The following STK32B variants were observed in gnomAD, a reference collection of about 807,000 sequenced individuals.
STK32B encodes serine/threonine kinase 32B.
STK32B carries 43 observed loss-of-function variants against 52.6 expected under a neutral mutation model. The observed-to-expected ratio is 0.82, with a 90% confidence interval of 0.64 to 1.05. STK32B has a LOEUF of 1.05. Ranked by LOEUF, STK32B falls within the 50% of genes least tolerant of loss-of-function variation. STK32B has a pLI of 0.00. For missense variants in STK32B, 621 were observed against 534.6 expected, an observed-to-expected ratio of 1.16 and a Z score of -1.59; for synonymous variants, 238 against 204.3, an observed-to-expected ratio of 1.17 and a Z score of -1.41.
At chr4:5,023,039 G>C in the STK32B span, among the ~76,000 whole-genome samples, 1 of 152,076 alleles carries the variant, frequency 6.6e-6, no homozygotes, top group South Asian at 2.1e-4. Context: ...GTGTTTGTGT[G>C]TGTCTCTGTG....
At chr4:5,351,795 A>G (rs1205069744) in intron 4 of STK32B, among the ~76,000 whole-genome samples, 1 of 152,116 alleles carries the variant, frequency 6.6e-6, no homozygotes, top group Non-Finnish European at 1.5e-5. Context: ...ACACAGAAAT[A>G]CGAAAGATCA....
In STK32B at chr4:5,058,213, G is replaced by A. The variant is rs111505643; in HGVS notation, c.52+6298G>A. ...GTGCGGGACATTATCCTGTTTCAAC[G>A]TGGGAACATTATCACTGTTCACCAA... On this transcript the variant is annotated intron_variant, in intron 1 of 11. Transcript: ENST00000282908. The surrounding 1 kb of genome is among the most constrained non-coding windows in gnomAD (Gnocchi z 4.8). Among the ~76,000 whole-genome samples the A allele has an allele frequency of 1.7e-3, 263 of 152,256 alleles. 1 individual carries two copies. The highest frequency in any genetic ancestry group is 5.3e-3 in the African/African-American group (219 of 41,548).
In STK32B at chr4:5,500,633, T is replaced by A. The variant is rs1332019590; in HGVS notation, c.*1550T>A. 1 of 152,254 alleles carries A rather than the reference T, an allele frequency of 6.6e-6. No homozygotes were observed. The highest frequency in any genetic ancestry group is 1.5e-5 in the Non-Finnish European group (1 of 68,058). 9.4% of individuals were successfully genotyped at this position (152,254 alleles called of 1,614,324 possible). A position where few individuals can be genotyped will look rare whatever the true frequency, so the allele number is the denominator to read the frequency against. On this transcript the variant is annotated 3_prime_UTR_variant, in exon 12 of 12. Coordinates refer to ENST00000282908, the MANE Select transcript of STK32B (RefSeq NM_018401.3). ...TCTCTTAGATTTCTTAAAAGACATT[T>A]TAATGTATGGTTAGGTTTTATATTT...
intron 4 of STK32B, among the ~76,000 whole-genome samples, chr4:5,368,041 G>A (rs1214662602): frequency 1.3e-5 from 2 of 151,714 alleles, no homozygotes; most frequent in African/African-American, 2.4e-5. Context: ...ACCCACCCCC[G>A]ATTTCTACCT....
At position 5,498,997 on chromosome 4, in the gene STK32B, G is replaced by T. The variant is rs148124898; in HGVS notation, c.1159G>T (p.Gly387Trp). Residue 387 changes from glycine (G) to tryptophan (W), a missense_variant, in exon 12 of 12, where the codon GGG becomes TGG. Physicochemically the swap from Gly to Trp is radical, Grantham distance 184. Transcript: ENST00000282908. ...GSQLLDTDSRGGGQAQSKLQD... is the reference protein window; with the variant it reads ...GSQLLDTDSRWGGQAQSKLQD... ...CCAGCTCTTGGACACCGACAGCCGAGGGGGAGGCCAGGCCCAAAGCAAGCT... is the reference window on the plus strand; with the variant it reads ...CCAGCTCTTGGACACCGACAGCCGATGGGGAGGCCAGGCCCAAAGCAAGCT... 1.2e-5 allele frequency: 20 copies of T among 1,613,628 alleles called. No homozygotes were observed. The highest frequency in any genetic ancestry group is 6.7e-5 in the Admixed American group (4 of 59,958).
At chr4:5,431,034 G>C (rs887440575) in intron 6 of STK32B, among the ~76,000 whole-genome samples, 5 of 152,188 alleles carry the variant, frequency 3.3e-5, no homozygotes, top group Non-Finnish European at 5.9e-5. Flanking sequence ...CTGTGTCAAT[G>C]GGTCTTGGGG....
chr4:5,262,482 G>A (rs7695245), intron 3 of STK32B, among the ~76,000 whole-genome samples: 5 of 151,558 alleles, frequency 3.3e-5, no homozygotes, highest in Non-Finnish European at 5.9e-5. Context: ...AAAATTAGCC[G>A]GCCGTGGTGG....
intron 3 of STK32B, among the ~76,000 whole-genome samples, chr4:5,226,086 A>G (rs1723853326): frequency 6.6e-6 from 1 of 152,206 alleles, no homozygotes; most frequent in African/African-American, 2.4e-5. Context: ...AATCGATTAA[A>G]TAAGGACATT....
At chr4:5,437,307 C>A (rs1714171013) in intron 6 of STK32B, among the ~76,000 whole-genome samples, 1 of 152,218 alleles carries the variant, frequency 6.6e-6, no homozygotes, top group African/African-American at 2.4e-5. Context: ...GGCTGAAAGT[C>A]CAATATCAAG....
At chr4:5,155,956 CATAG>C (rs979718358) in intron 2 of STK32B, among the ~76,000 whole-genome samples, 1 of 152,020 alleles carries the variant, frequency 6.6e-6, no homozygotes, top group African/African-American at 2.4e-5. Flanking sequence ...TATACATATA[CATAG>C]ATATGCATAT....
At position 5,085,745 on chromosome 4, in the gene STK32B, C is replaced by G. The variant is rs530338043; in HGVS notation, c.52+33830C>G. 2.0e-5 allele frequency among the ~76,000 whole-genome samples: 3 copies of G among 152,306 alleles called. No homozygotes were observed. In the East Asian group the frequency reaches 5.8e-4, roughly 29 times the overall value. On this transcript the variant is annotated intron_variant, in intron 1 of 11. Transcript: ENST00000282908. ...TTAGACAACCCAAGAGGCACTTATT[C>G]AAGAACAGCAGCTGAACTTTGTTGA...
chr4:5,460,681 A>G lies in STK32B; in HGVS notation c.909+453A>G, dbSNP rs1425521704. Among the ~76,000 whole-genome samples the G allele has an allele frequency of 6.6e-6, 1 of 152,220 alleles. No individual in the cohort carries two copies. The highest frequency in any genetic ancestry group is 2.4e-5 in the African/African-American group (1 of 41,460). On this transcript the variant is annotated intron_variant, in intron 9 of 11. Transcript: ENST00000282908. This position sits in a 1 kb window ranked among gnomAD's most constrained non-coding sequence, Gnocchi z 4.8. ...TTTTAGGAAGGGTCGGCAGAGACCT[A>G]GAGGTAAAGTGAGGGAACCAGGACT...
rs147365849 is a variant in STK32B, at chr4:5,337,761, C to T, written c.434+6368C>T. Among the ~76,000 whole-genome samples the T allele has an allele frequency of 2.2e-4, 33 of 151,956 alleles. No homozygotes were observed. The East Asian group carries it at 5.2e-3, about 24-fold the overall frequency. On this transcript the variant is annotated intron_variant, in intron 4 of 11. Coordinates refer to ENST00000282908, the MANE Select transcript of STK32B (RefSeq NM_018401.3). The stretch of plus-strand genomic sequence containing the variant: ...CATTATTCATTTTAGGGAAGGAAAA[C>T]GTTGTACAGGACAACATCTGTGTAG...
At chr4:5,335,901 A>G (rs1732643201) in intron 4 of STK32B, among the ~76,000 whole-genome samples, 1 of 151,608 alleles carries the variant, frequency 6.6e-6, no homozygotes, top group South Asian at 2.1e-4. Context: ...ATTTCCAACT[A>G]TGTGGTCAAT....
intron 3 of STK32B, among the ~76,000 whole-genome samples, chr4:5,290,678 A>G (rs1317519488): frequency 6.6e-6 from 1 of 151,940 alleles, no homozygotes; most frequent in African/African-American, 2.4e-5. Context: ...CATGTGCTGA[A>G]TGTGCAGGTT....
intron 3 of STK32B, among the ~76,000 whole-genome samples, chr4:5,290,917 A>C (rs528788732): frequency 1.3e-5 from 2 of 152,276 alleles, no homozygotes; most frequent in African/African-American, 4.8e-5. Flanking sequence ...CGGAAAGGCA[A>C]GAGATACATA....
chr4:5,412,855 G>A (rs1473117555), intron 5 of STK32B, among the ~76,000 whole-genome samples: 1 of 152,156 alleles, frequency 6.6e-6, no homozygotes, highest in Non-Finnish European at 1.5e-5. Context: ...AGCTGAAAGA[G>A]TATTCAAAAT....
intron 11 of STK32B, among the ~76,000 whole-genome samples, chr4:5,494,948 G>A (rs1460886346): frequency 1.3e-5 from 2 of 152,184 alleles, no homozygotes; most frequent in African/African-American, 4.8e-5. Context: ...GCGATCAGCT[G>A]TTAGTCTGAT....
At chr4:5,119,689 T>G (rs906296281) in intron 1 of STK32B, among the ~76,000 whole-genome samples, 1 of 152,206 alleles carries the variant, frequency 6.6e-6, no homozygotes, top group African/African-American at 2.4e-5. Context: ...TTAAATCAAT[T>G]AAATAAGGAC....
Sources: allele counts gnomAD v4.1 joint callset (sites outside exome capture counted in the v4.1 genomes callset), GRCh38; gene constraint gnomAD v4.1.1; non-coding constraint Gnocchi (gnomAD v3.1); transcripts MANE v1.5; gene names NCBI Gene and HGNC (gene_info 2026-07-23, HGNC 2026-07-21).